LNX1: variants seen among roughly 807,000 people sequenced by gnomAD.
LNX1 encodes the protein ligand of numb-protein X 1, also known as E3 ubiquitin-protein ligase LNX.
Under a neutral mutation model 68.4 loss-of-function variants are expected in LNX1, and 54 were observed. The observed-to-expected ratio is 0.79, with a 90% CI of 0.63 to 0.99. LNX1 has a LOEUF of 0.99. Among genes scored for constraint, LNX1 ranks in the 50% least tolerant of loss-of-function variants. LNX1 has a pLI of 0.00. For synonymous variants in LNX1, 336 were observed against 350.0 expected, an observed-to-expected ratio of 0.96 and a Z score of 0.45; for missense variants, 906 against 926.4, an observed-to-expected ratio of 0.98 and a Z score of 0.29.
At chr4:53,563,968 C>T (rs1391603176) in intron 2 of LNX1, among the ~76,000 whole-genome samples, 1 of 152,234 alleles carries the variant, frequency 6.6e-6, no homozygotes, top group Non-Finnish European at 1.5e-5. Flanking sequence ...ACTTAGGAAG[C>T]AGAAGTGTGG....
At chr4:53,541,737 C>G (rs536348594) in intron 2 of LNX1, among the ~76,000 whole-genome samples, 105 of 68,304 alleles carry the variant, frequency 1.5e-3, no homozygotes, top group Admixed American at 3.4e-3. Context: ...TAAGCTCAGT[C>G]TGAGTCATTA....
At chr4:53,501,046 G>A (rs1477161859) in intron 4 of LNX1, among the ~76,000 whole-genome samples, 2 of 152,132 alleles carry the variant, frequency 1.3e-5, no homozygotes, top group South Asian at 2.1e-4. Flanking sequence ...AATGATGTTA[G>A]AGCAACACCA....
In LNX1 at chr4:53,605,639, A is replaced by T. The variant is rs547952741; in HGVS notation, c.-215+10878T>A. Among the ~76,000 whole-genome samples the T allele has an allele frequency of 5.3e-5, 8 of 152,102 alleles. No homozygotes were observed. In the East Asian group the frequency reaches 1.5e-3, roughly 29 times the overall value. ...CATTATACTCTGTTTCTCTGTATTC[A>T]TGTTTTTTTTAAAATTCCATATATA... On this transcript the variant is annotated intron_variant, in intron 2 of 3. Coordinates refer to the LNX1 transcript ENST00000504299.
intron 6 of LNX1, among the ~76,000 whole-genome samples, chr4:53,495,749 G>A (rs1725006502): frequency 6.6e-6 from 1 of 152,100 alleles, no homozygotes; most frequent in Non-Finnish European, 1.5e-5. Context: ...TCACCCTGTT[G>A]GCCAGGCTGG....
At chr4:53,523,199 T>C (rs909738211) in intron 2 of LNX1, 3 of 152,210 alleles carry the variant, frequency 2.0e-5, no homozygotes, top group African/African-American at 7.2e-5. Context: ...GGGTTTATGT[T>C]CCTGACAAAG....
chr4:53,498,980 G>T, intron 4 of LNX1, 137 bp from the exon 5 acceptor site: 1 of 683,950 alleles, frequency 1.5e-6, no homozygotes, highest in Non-Finnish European at 2.5e-6. Flanking sequence ...TCCTGCCTCT[G>T]TGTCAATGTA....
At chr4:53,487,045 C>G (rs180838867) in intron 6 of LNX1, among the ~76,000 whole-genome samples, 1 of 152,310 alleles carries the variant, frequency 6.6e-6, no homozygotes, top group Admixed American at 6.5e-5. Context: ...GTTCAGCCTG[C>G]AACTGACTCT....
At chr4:53,625,053 G>A (rs1431704145) in intron 1 of LNX1, among the ~76,000 whole-genome samples, 1 of 152,016 alleles carries the variant, frequency 6.6e-6, no homozygotes, top group Non-Finnish European at 1.5e-5. Flanking sequence ...AAACTTGTAG[G>A]CACATTGTAC....
upstream of LNX1, chr4:53,591,504 G>A (rs1732503657): frequency 1.0e-6 from 1 of 985,466 alleles, no homozygotes; most frequent in Admixed American, 6.1e-5. Context: ...CTCAACTTCG[G>A]TGAACAGGTG....
intron 2 of LNX1, among the ~76,000 whole-genome samples, chr4:53,572,786 GGTGT>G (rs141776180): frequency 1.3e-5 from 2 of 151,344 alleles, no homozygotes; most frequent in African/African-American, 2.4e-5. Context: ...CACCAGTGTG[GGTGT>G]GTGTGTGTGT....
intron 1 of LNX1, among the ~76,000 whole-genome samples, chr4:53,589,254 C>A (rs1237189307): frequency 2.0e-5 from 3 of 152,196 alleles, no homozygotes; most frequent in Non-Finnish European, 4.4e-5. Context: ...CACAGCCAGC[C>A]AGCAACTCCT....
At chr4:53,556,276 C>G (rs1329159429) in intron 2 of LNX1, among the ~76,000 whole-genome samples, 2 of 152,114 alleles carry the variant, frequency 1.3e-5, no homozygotes, top group Non-Finnish European at 2.9e-5. Context: ...TGCAGCACCC[C>G]CCTCCACAAA....
chr4:53,508,275 C>T, intron 2 of LNX1, 48 bp from the exon 3 acceptor site: 1 of 1,594,090 alleles, frequency 6.3e-7, no homozygotes, highest in Non-Finnish European at 8.6e-7. Flanking sequence ...GGCTCTGCTG[C>T]CATTCCTCAG....
intron 2 of LNX1, among the ~76,000 whole-genome samples, chr4:53,562,906 G>A (rs993532697): frequency 1.3e-5 from 2 of 152,002 alleles, no homozygotes; most frequent in African/African-American, 4.8e-5. Flanking sequence ...ATATGTATTT[G>A]TCAATTAAAA....
intron 2 of LNX1, among the ~76,000 whole-genome samples, chr4:53,512,541 T>C (rs1726431757): frequency 6.7e-6 from 1 of 148,372 alleles, no homozygotes; most frequent in East Asian, 2.0e-4. Context: ...AGATGACCCC[T>C]AAAGAGGGCT....
intron 9 of LNX1, among the ~76,000 whole-genome samples, chr4:53,468,373 A>G (rs910038880): frequency 6.6e-6 from 1 of 152,254 alleles, no homozygotes; most frequent in African/African-American, 2.4e-5. Context: ...AACCGTTACC[A>G]GCTACTGCAA....
intron 2 of LNX1, among the ~76,000 whole-genome samples, chr4:53,606,488 A>C (rs1577788248): frequency 7.8e-5 from 1 of 12,890 alleles, no homozygotes; most frequent in Non-Finnish European, 1.9e-4. Flanking sequence ...AAAACAAACA[A>C]AAAAAAAACA....
chr4:53,570,765 C>A (rs891965518), intron 2 of LNX1, among the ~76,000 whole-genome samples: 1 of 151,560 alleles, frequency 6.6e-6, no homozygotes, highest in East Asian at 1.9e-4. Context: ...TGGTGGCTCA[C>A]GCCTGTAATC....
At chr4:53,515,249 G>A (rs930933994) in intron 2 of LNX1, among the ~76,000 whole-genome samples, 1 of 152,190 alleles carries the variant, frequency 6.6e-6, no homozygotes, top group African/African-American at 2.4e-5. Flanking sequence ...CATCAGCTCT[G>A]CCTTGGCTAG....
Sources: gnomAD v4.1 joint callset for allele counts (sites outside exome capture counted in the v4.1 genomes callset) on GRCh38, gnomAD v4.1.1 for gene constraint, MANE v1.5 for transcripts, NCBI Gene and HGNC (gene_info 2026-07-23, HGNC 2026-07-21) for gene names.